The following CNOT4 variants were observed in gnomAD, a reference collection of about 807,000 sequenced individuals.
CNOT4 encodes CCR4-associated factor 4.
In CNOT4, 8 loss-of-function variants were observed where a neutral mutation model predicts 73.8. That is an observed-to-expected ratio of 0.11 (90% CI 0.06 to 0.20). The LOEUF is 0.20. Among genes scored for constraint, CNOT4 ranks in the 10% least tolerant of loss-of-function variants. The pLI is 1.00. For synonymous variants in CNOT4, 293 were observed against 321.1 expected (o/e 0.91, Z 0.94); for missense variants, 564 against 883.4 (o/e 0.64, Z 4.58).
At chr7:135,444,935 T>A in intron 1 of CNOT4, 1 of 1,581,334 alleles carries the variant, frequency 6.3e-7, no homozygotes, top group Non-Finnish European at 8.7e-7. Flanking sequence ...AGCTCTGACC[T>A]TTTTGACTTC....
At chr7:135,461,815 G>T (rs1162034639) in intron 1 of CNOT4, among the ~76,000 whole-genome samples, 1 of 152,128 alleles carries the variant, frequency 6.6e-6, no homozygotes, top group Non-Finnish European at 1.5e-5. Context: ...CTGGGCGACA[G>T]AGCGAGATCC....
chr7:135,363,923 T>C lies in CNOT4; in HGVS notation c.1771A>G (p.Asn591Asp). Residue 591 changes from asparagine to aspartate, a missense_variant, in exon 11 of 12, where the codon AAC (asparagine) becomes GAC (aspartate). Physicochemically the swap from Asn to Asp is conservative, Grantham distance 23. Coordinates refer to ENST00000541284, the MANE Select transcript of CNOT4 (RefSeq NM_001190850.2). The surrounding 1 kb of genome is among the most constrained non-coding windows in gnomAD (Gnocchi z 4.3). ...SNANHSAPTS[N>D]TATTDSLSWD... The stretch of plus-strand genomic sequence containing the variant: ...CTCAGGCTGTCGGTGGTGGCAGTGT[T>C]GGACGTTGGTGCACTGTGGTTGGCG... 1 of 1,598,348 alleles carries C rather than the reference T, an allele frequency of 6.3e-7. No individual in the cohort carries two copies. Among genetic ancestry groups the C allele is most frequent in the East Asian group, 2.2e-5 (1 of 44,868 alleles).
intron 3 of CNOT4, among the ~76,000 whole-genome samples, chr7:135,416,459 C>T (rs111674030): frequency 0.035 from 5,337 of 152,218 alleles, 321 homozygotes; most frequent in African/African-American, 0.12. Flanking sequence ...GTTTCAATCT[C>T]TTTTCCACCC....
At chr7:135,403,748 CTATTAA>C (rs1271844266) in intron 7 of CNOT4, among the ~76,000 whole-genome samples, 2 of 152,132 alleles carry the variant, frequency 1.3e-5, no homozygotes, top group Non-Finnish European at 2.9e-5. Context: ...GTTTTGATAA[CTATTAA>C]TAAGTACAAA....
chr7:135,508,520 A>T (rs934995789), intron 1 of CNOT4, among the ~76,000 whole-genome samples: 1 of 152,220 alleles, frequency 6.6e-6, no homozygotes, highest in Non-Finnish European at 1.5e-5. Flanking sequence ...TTTCTTTTGC[A>T]TACATAACTA....
chr7:135,379,403 G>C (rs1352270666), intron 10 of CNOT4, among the ~76,000 whole-genome samples: 1 of 152,142 alleles, frequency 6.6e-6, no homozygotes, highest in Non-Finnish European at 1.5e-5. Flanking sequence ...TGTTACACTT[G>C]TCTGGAACCA....
chr7:135,444,600 C>A (rs972184113), intron 1 of CNOT4: 38 of 1,334,504 alleles, frequency 2.8e-5, no homozygotes, highest in African/African-American at 4.3e-5. Context: ...ACAGCACATA[C>A]ACTTGTCACC....
intron 1 of CNOT4, among the ~76,000 whole-genome samples, chr7:135,498,117 A>T (rs1420932618): frequency 6.6e-6 from 1 of 152,196 alleles, no homozygotes; most frequent in Non-Finnish European, 1.5e-5. Flanking sequence ...CACAGATAGT[A>T]AGTAAGTGGC....
intron 10 of CNOT4, chr7:135,387,287 TAG>T: frequency 1.0e-6 from 1 of 985,242 alleles, no homozygotes; most frequent in South Asian, 4.7e-5. Context: ...CTTAAATGGC[TAG>T]ACAATTCGCT....
At chr7:135,378,242 G>A (rs893603778) in intron 10 of CNOT4, among the ~76,000 whole-genome samples, 13 of 152,160 alleles carry the variant, frequency 8.5e-5, no homozygotes, top group African/African-American at 2.7e-4. Flanking sequence ...AGTGGGTCAC[G>A]CCTGTAATCC....
At chr7:135,502,730 T>C (rs1380547753) in intron 1 of CNOT4, among the ~76,000 whole-genome samples, 5 of 146,228 alleles carry the variant, frequency 3.4e-5, no homozygotes, top group Non-Finnish European at 6.0e-5. Context: ...GCAGGAGAGT[T>C]GCTTGAACCC....
intron 1 of CNOT4, among the ~76,000 whole-genome samples, chr7:135,488,068 C>CAAA (rs1199939018): frequency 3.0e-4 from 41 of 136,742 alleles, no homozygotes; most frequent in African/African-American, 1.1e-3. Context: ...GACTCCGTCT[C>CAAA]AAAGAAGAAA....
chr7:135,384,826 C>T (rs1308990364), intron 10 of CNOT4: 2 of 714,514 alleles, frequency 2.8e-6, no homozygotes, highest in Admixed American at 2.0e-5. Context: ...GTCTCTTCAA[C>T]TTTGTTGTCA....
At chr7:135,377,505 T>G (rs1585553022) in intron 10 of CNOT4, among the ~76,000 whole-genome samples, 1 of 152,258 alleles carries the variant, frequency 6.6e-6, no homozygotes, top group African/African-American at 2.4e-5. Context: ...AAGACTATTT[T>G]GCTTTTTATT....
chr7:135,473,604 A>C (rs1801785497), intron 1 of CNOT4, among the ~76,000 whole-genome samples: 1 of 152,122 alleles, frequency 6.6e-6, no homozygotes, highest in Non-Finnish European at 1.5e-5. Flanking sequence ...AAAATCAGCC[A>C]GGCATGACGG....
In CNOT4 at chr7:135,404,897, C is replaced by T. The variant is rs576731099; in HGVS notation, c.821+5618G>A. Reference sequence around the variant, plus strand: ...CTTGGAATTTACAATCCATCCACTACATCTGTCTTCAGATAACAAGCCTCA... The same window carrying T: ...CTTGGAATTTACAATCCATCCACTATATCTGTCTTCAGATAACAAGCCTCA... On this transcript the variant is annotated intron_variant, in intron 7 of 11. Coordinates refer to ENST00000541284, the MANE Select transcript of CNOT4 (RefSeq NM_001190850.2). Among the ~76,000 whole-genome samples, 49 of 152,328 alleles carry T rather than the reference C, an allele frequency of 3.2e-4. 1 individual carries two copies. Among genetic ancestry groups the T allele is most frequent in the African/African-American group, 1.2e-3 (49 of 41,580 alleles).
chr7:135,451,995 C>T lies in CNOT4; in HGVS notation c.-92-13572G>A, dbSNP rs927483198. 2.4e-4 allele frequency among the ~76,000 whole-genome samples: 37 copies of T among 152,032 alleles called. 1 individual carries two copies. Among genetic ancestry groups the T allele is most frequent in the African/African-American group, 6.8e-4 (28 of 41,404 alleles). Reference sequence around the variant, plus strand: ...GTGTGTAGTGGCTCGCAGCTGTAATCCCAGCACTTTGTGAGGCTGAGGAGG... The same window carrying T: ...GTGTGTAGTGGCTCGCAGCTGTAATTCCAGCACTTTGTGAGGCTGAGGAGG... On this transcript the variant is annotated intron_variant, in intron 1 of 11. Coordinates refer to ENST00000541284, the MANE Select transcript of CNOT4 (RefSeq NM_001190850.2).
intron 1 of CNOT4, among the ~76,000 whole-genome samples, chr7:135,487,248 C>A (rs148341921): frequency 1.4e-3 from 209 of 146,596 alleles, no homozygotes; most frequent in African/African-American, 5.1e-3. Flanking sequence ...CTTTTCTTTT[C>A]TTATTTTTGG....
chr7:135,484,025 C>T (rs1232522026), intron 1 of CNOT4, among the ~76,000 whole-genome samples: 1 of 151,498 alleles, frequency 6.6e-6, no homozygotes, highest in African/African-American at 2.4e-5. Context: ...AGAACCCCGT[C>T]TCTACTAAAA....
Sources: gnomAD v4.1 joint callset for allele counts (sites outside exome capture counted in the v4.1 genomes callset) on GRCh38, gnomAD v4.1.1 for gene constraint, Gnocchi (gnomAD v3.1) non-coding constraint, MANE v1.5 for transcripts, NCBI Gene and HGNC (gene_info 2026-07-23, HGNC 2026-07-21) for gene names.